SARNP: variants seen among roughly 807,000 people sequenced by gnomAD.
SARNP encodes SAP domain-containing ribonucleoprotein.
A neutral mutation model predicts 38.1 loss-of-function variants in SARNP; 5 were observed. The observed-to-expected ratio is 0.13, with a 90% confidence interval of 0.07 to 0.28. The LOEUF (loss-of-function observed/expected upper bound fraction) is 0.28. SARNP is among the 10% of genes least tolerant of loss of function. The probability of loss-of-function intolerance (pLI) is 1.00; values close to 1 mark genes in which losing one functional copy is unlikely to be tolerated. For synonymous variants in SARNP, 84 were observed against 80.6 expected (o/e 1.04, Z -0.23); for missense variants, 180 against 243.9 (o/e 0.74, Z 1.75).
At chr12:55,804,992 G>A (rs1164902086) in intron 1 of SARNP, among the ~76,000 whole-genome samples, 4 of 152,190 alleles carry the variant, frequency 2.6e-5, no homozygotes, top group Admixed American at 2.0e-4. Context: ...GGCCGGGCGC[G>A]GTGGCTCACG....
chr12:55,758,559 C>T (rs1878582289), intron 10 of SARNP, among the ~76,000 whole-genome samples: 1 of 152,088 alleles, frequency 6.6e-6, no homozygotes, highest in South Asian at 2.1e-4. Context: ...GCACAATAAT[C>T]ACTTGAACCC....
downstream of SARNP, chr12:55,757,240 AAT>A: frequency 3.3e-6 from 1 of 301,078 alleles, no homozygotes; most frequent in Non-Finnish European, 6.2e-6. Context: ...AGCTCCAATA[AAT>A]CAAAGGAGCA....
chr12:55,807,237 A>G (rs1460240989), intron 1 of SARNP, among the ~76,000 whole-genome samples: 1 of 152,254 alleles, frequency 6.6e-6, no homozygotes, highest in Non-Finnish European at 1.5e-5. Flanking sequence ...TCAAACTGCT[A>G]TAAAACTTTC....
intron 9 of SARNP, among the ~76,000 whole-genome samples, chr12:55,788,050 G>A (rs933176003): frequency 2.0e-5 from 3 of 152,066 alleles, no homozygotes; most frequent in South Asian, 2.1e-4. Flanking sequence ...CGCCTGGCCC[G>A]ATTTTTTTCT....
intron 5 of SARNP, 121 bp from the exon 6 acceptor site, chr12:55,795,001 C>T (rs1036196641): frequency 1.7e-6 from 1 of 595,332 alleles, no homozygotes; most frequent in Non-Finnish European, 2.9e-6. Context: ...ACTCTGTCCC[C>T]CAGCCTGGAG....
chr12:55,800,230 T>C (rs1027963599), intron 4 of SARNP, among the ~76,000 whole-genome samples: 1 of 151,932 alleles, frequency 6.6e-6, no homozygotes, highest in Non-Finnish European at 1.5e-5. Flanking sequence ...AGTTTTACAC[T>C]GCATACAGAA....
At chr12:55,790,479 TTCCTC>T in intron 8 of SARNP, 83 bp downstream of exon 8, 2 of 1,353,960 alleles carry the variant, frequency 1.5e-6, no homozygotes, top group African/African-American at 1.5e-5. Flanking sequence ...TTCTCAGAGT[TTCCTC>T]TAATCTGGGG....
chr12:55,786,829 A>T (rs2136192735), intron 9 of SARNP, among the ~76,000 whole-genome samples: 1 of 152,206 alleles, frequency 6.6e-6, no homozygotes, highest in Non-Finnish European at 1.5e-5. Context: ...TCAACTTCAA[A>T]TTTTTTCTTA....
chr12:55,794,508 C>A, intron 6 of SARNP, 121 bp from the exon 7 acceptor site: 1 of 864,666 alleles, frequency 1.2e-6, no homozygotes, highest in Admixed American at 2.4e-5. Context: ...CAATCATTAG[C>A]TAATTCTAAC....
rs1052770866 is a variant in SARNP, at chr12:55,794,203, A to C, written c.406+156T>G. Reference sequence around the variant, plus strand: ...TCTCTTAATTGCCCAGGAAGGCCTAAGTATAATTTTACCTAAAGCAGGAGA... The same window carrying C: ...TCTCTTAATTGCCCAGGAAGGCCTACGTATAATTTTACCTAAAGCAGGAGA... On this transcript the variant is annotated intron_variant, in intron 7 of 10. Coordinates refer to ENST00000336133, the MANE Select transcript of SARNP (RefSeq NM_033082.4). 5.8e-6 allele frequency: 4 copies of C among 689,118 alleles called. No homozygotes were observed. In the African/African-American group the frequency reaches 7.3e-5, roughly 12 times the overall value. 42.7% of individuals were successfully genotyped at this position (689,118 alleles called of 1,614,324 possible).
In SARNP at chr12:55,796,017, A is replaced by C. The variant is rs1264142875; in HGVS notation, c.303+8T>G. On this transcript the variant is annotated splice_region_variant and intron_variant, in intron 5 of 10. Coordinates refer to ENST00000336133, the MANE Select transcript of SARNP (RefSeq NM_033082.4). Reference sequence around the variant, plus strand: ...AGAGACTGTTCTACTAGGGAGCAGAATACCTACCTCAGTCTGTGGTATTTC... The same window carrying C: ...AGAGACTGTTCTACTAGGGAGCAGACTACCTACCTCAGTCTGTGGTATTTC... 3 of 1,587,034 alleles carry C rather than the reference A, an allele frequency of 1.9e-6. No individual in the cohort carries two copies. The South Asian group carries it at 3.3e-5, about 18-fold the overall frequency.
intron 1 of SARNP, chr12:55,815,814 G>A (rs947552838): frequency 2.0e-4 from 30 of 152,212 alleles, no homozygotes; most frequent in African/African-American, 7.2e-4. Context: ...GGGCTACAAG[G>A]TAGTTTTATG....
chr12:55,804,372 T>A (rs1880072562), intron 1 of SARNP, among the ~76,000 whole-genome samples: 1 of 151,440 alleles, frequency 6.6e-6, no homozygotes, highest in Non-Finnish European at 1.5e-5. Flanking sequence ...GGAGAATTGA[T>A]GGATTATTGA....
chr12:55,810,982 CAGG>C (rs775516444), intron 1 of SARNP, among the ~76,000 whole-genome samples: 5 of 151,316 alleles, frequency 3.3e-5, no homozygotes, highest in African/African-American at 4.9e-5. Context: ...GAGGCTGAGG[CAGG>C]AGAAGGGCTT....
At chr12:55,785,481 A>T (rs781409100) in intron 9 of SARNP, among the ~76,000 whole-genome samples, 2 of 146,856 alleles carry the variant, frequency 1.4e-5, no homozygotes, top group African/African-American at 5.0e-5. Context: ...ACTGTATACA[A>T]TTTTTTTTTT....
intron 1 of SARNP, among the ~76,000 whole-genome samples, chr12:55,815,524 G>A (rs574956789): frequency 2.4e-4 from 36 of 152,144 alleles, no homozygotes; most frequent in South Asian, 1.0e-3. Flanking sequence ...ACACCATCTC[G>A]GCTCACTGCA....
chr12:55,807,687 G>A (rs541330229), intron 1 of SARNP, among the ~76,000 whole-genome samples: 143 of 151,162 alleles, frequency 9.5e-4, no homozygotes, highest in African/African-American at 3.2e-3. Context: ...GGTGGCGGGC[G>A]CCTGTAGTCC....
intron 7 of SARNP, among the ~76,000 whole-genome samples, chr12:55,791,638 T>C (rs1460423833): frequency 6.6e-6 from 1 of 151,904 alleles, no homozygotes; most frequent in Non-Finnish European, 1.5e-5. Context: ...GAGGCTGCAG[T>C]GAGCTGAGAT....
intron 2 of SARNP, 23 bp from the exon 3 acceptor site, chr12:55,800,923 G>A (rs1350091326): frequency 6.3e-7 from 1 of 1,593,914 alleles, no homozygotes; most frequent in Non-Finnish European, 8.6e-7. Context: ...AAAATATTCA[G>A]GTCAAGCCCT....
Sources: allele counts gnomAD v4.1 joint callset (sites outside exome capture counted in the v4.1 genomes callset), GRCh38; gene constraint gnomAD v4.1.1; transcripts MANE v1.5; gene names NCBI Gene and HGNC (gene_info 2026-07-23, HGNC 2026-07-21).